CASQ2: variants seen among roughly 807,000 people sequenced by gnomAD.
The protein encoded by CASQ2 is calsequestrin-2.
In CASQ2, 49 loss-of-function variants were observed where a neutral mutation model predicts 46.5. The ratio of observed to expected loss-of-function variants is 1.05; its 90% CI spans 0.84 to 1.34. The LOEUF is 1.34. Among genes scored for constraint, CASQ2 ranks in the 40% most tolerant of loss-of-function variants. CASQ2 has a pLI of 0.00. For missense variants in CASQ2, 486 were observed against 481.3 expected (o/e 1.01, Z -0.09); for synonymous variants, 174 against 168.5 (o/e 1.03, Z -0.25).
chr1:115,720,812 C>G (rs1349179037), intron 7 of CASQ2, among the ~76,000 whole-genome samples: 4 of 152,166 alleles, frequency 2.6e-5, no homozygotes, highest in African/African-American at 9.7e-5. Context: ...AAGGACAGGA[C>G]AGCAATGTTA....
At chr1:115,721,533 G>A (rs1360542381) in intron 7 of CASQ2, among the ~76,000 whole-genome samples, 6 of 151,964 alleles carry the variant, frequency 3.9e-5, no homozygotes, top group East Asian at 3.9e-4. Context: ...TCAATGTCTC[G>A]GGAAGTAGAT....
intron 8 of CASQ2, among the ~76,000 whole-genome samples, chr1:115,717,330 G>A (rs1407100383): frequency 7.9e-5 from 12 of 152,122 alleles, no homozygotes. Flanking sequence ...ACTGACATCA[G>A]CTGGTCTAAA....
chr1:115,759,050 GT>G (rs1364084019), intron 1 of CASQ2, among the ~76,000 whole-genome samples: 1 of 152,204 alleles, frequency 6.6e-6, no homozygotes, highest in Non-Finnish European at 1.5e-5. Flanking sequence ...TACATAGGTT[GT>G]CAGGGAGATA....
chr1:115,709,556 A>G (rs115592499), intron 8 of CASQ2, among the ~76,000 whole-genome samples: 23 of 152,348 alleles, frequency 1.5e-4, no homozygotes, highest in African/African-American at 5.5e-4. Flanking sequence ...CAAAGCAAGT[A>G]GAGGACTATT....
At chr1:115,739,942 G>A (rs1379772122) in intron 3 of CASQ2, among the ~76,000 whole-genome samples, 4 of 152,196 alleles carry the variant, frequency 2.6e-5, no homozygotes, top group Admixed American at 6.5e-5. Context: ...ATGTGGGTGT[G>A]AGTCAATGAG....
At chr1:115,710,464 C>T (rs1016637209) in intron 8 of CASQ2, among the ~76,000 whole-genome samples, 4 of 152,194 alleles carry the variant, frequency 2.6e-5, no homozygotes, top group Non-Finnish European at 5.9e-5. Context: ...TGCACTCCTA[C>T]CAATGTTGCT....
At chr1:115,739,253 G>A (rs1011684487) in intron 3 of CASQ2, among the ~76,000 whole-genome samples, 4 of 150,538 alleles carry the variant, frequency 2.7e-5, no homozygotes, top group Admixed American at 1.3e-4. Context: ...CTGGGACTAC[G>A]CCCACCACCA....
At chr1:115,734,515 C>A (rs746957913) in intron 4 of CASQ2, among the ~76,000 whole-genome samples, 5 of 152,194 alleles carry the variant, frequency 3.3e-5, no homozygotes, top group Non-Finnish European at 7.3e-5. Context: ...TGACCTTTAG[C>A]CTCAGCCAAA....
intron 8 of CASQ2, among the ~76,000 whole-genome samples, 185 bp downstream of exon 8, chr1:115,717,655 T>G (rs1045787163): frequency 3.9e-5 from 6 of 152,232 alleles, no homozygotes; most frequent in Non-Finnish European, 8.8e-5. Flanking sequence ...TTCACACCTT[T>G]TCTTCTCTTA....
At chr1:115,723,448 AT>A (rs1647462570) in intron 7 of CASQ2, among the ~76,000 whole-genome samples, 1 of 152,212 alleles carries the variant, frequency 6.6e-6, no homozygotes, top group Admixed American at 6.5e-5. Context: ...ATCTGAAATT[AT>A]TTTAGGGTAA....
chr1:115,752,066 A>G (rs1206618324), intron 1 of CASQ2, among the ~76,000 whole-genome samples: 2 of 152,174 alleles, frequency 1.3e-5, no homozygotes, highest in Non-Finnish European at 2.9e-5. Context: ...ATTCACACAA[A>G]GCCACCAACA....
intron 7 of CASQ2, among the ~76,000 whole-genome samples, chr1:115,723,276 T>C (rs1435102042): frequency 2.3e-5 from 3 of 130,512 alleles, no homozygotes; most frequent in Non-Finnish European, 5.0e-5. Context: ...CTATCTATCA[T>C]CTATCTATAT....
intron 8 of CASQ2, among the ~76,000 whole-genome samples, chr1:115,708,297 T>C (rs1654426001): frequency 6.6e-6 from 1 of 152,190 alleles, no homozygotes; most frequent in Admixed American, 6.5e-5. Flanking sequence ...AATAAATTAA[T>C]AAATAAGGTT....
At chr1:115,736,683 A>T (rs979107165) in intron 4 of CASQ2, among the ~76,000 whole-genome samples, 8 of 152,070 alleles carry the variant, frequency 5.3e-5, no homozygotes, top group African/African-American at 1.2e-4. Context: ...CTCATTCAAA[A>T]TTTTTTTTAA....
intron 4 of CASQ2, among the ~76,000 whole-genome samples, chr1:115,733,322 C>T (rs1647854958): frequency 6.6e-6 from 1 of 152,132 alleles, no homozygotes; most frequent in Admixed American, 6.6e-5. Context: ...CTCACTGCTA[C>T]TTATAATCAT....
chr1:115,715,481 C>A (rs375327184), intron 8 of CASQ2, among the ~76,000 whole-genome samples: 2 of 152,264 alleles, frequency 1.3e-5, no homozygotes, highest in African/African-American at 4.8e-5. Context: ...TAAATGATTC[C>A]ATTTATATGA....
rs1302609954 is a variant in CASQ2, at chr1:115,714,233, ATAAG to A, written c.838+3603_838+3606del. Among the ~76,000 whole-genome samples, 7 of 152,310 alleles carry A rather than the reference ATAAG, an allele frequency of 4.6e-5. No individual in the cohort carries two copies. The South Asian group carries it at 1.5e-3, about 32-fold the overall frequency. ...TTCCTCATGGGGTTCTTGTGTACAT[ATAAG>A]TACACAGTAAGTGACAATCATCATC... On this transcript the variant is annotated intron_variant, in intron 8 of 10. Coordinates refer to ENST00000261448, the MANE Select transcript of CASQ2 (RefSeq NM_001232.4).
In CASQ2 at chr1:115,763,014, T is replaced by G. The variant is rs371444356; in HGVS notation, c.234+5294A>C. On this transcript the variant is annotated intron_variant, in intron 1 of 10. Coordinates refer to ENST00000261448, the MANE Select transcript of CASQ2 (RefSeq NM_001232.4). ...CAGTGCATTTATTTAGTTGTGTTTT[T>G]GAGTCGCAAGCAGTTTCTTGATCCT... Among the ~76,000 whole-genome samples, 3 of 152,220 alleles carry G rather than the reference T, an allele frequency of 2.0e-5. No homozygotes were observed. The South Asian group carries it at 6.2e-4, about 32-fold the overall frequency.
chr1:115,759,784 A>T (rs1217144725), intron 1 of CASQ2, among the ~76,000 whole-genome samples: 1 of 152,126 alleles, frequency 6.6e-6, no homozygotes, highest in Non-Finnish European at 1.5e-5. Context: ...TTAATATCCC[A>T]CTTCCATCTA....
Sources: allele counts gnomAD v4.1 joint callset (sites outside exome capture counted in the v4.1 genomes callset), GRCh38; gene constraint gnomAD v4.1.1; transcripts MANE v1.5; gene names NCBI Gene and HGNC (gene_info 2026-07-23, HGNC 2026-07-21).